Variants in DDC observed in about 807,000 individuals in gnomAD.
DDC encodes dopa decarboxylase, also known as aromatic-L-amino-acid decarboxylase.
A neutral mutation model predicts 60.0 loss-of-function variants in DDC; 43 were observed. That is an observed-to-expected ratio of 0.72 (90% confidence interval 0.56 to 0.92). The LOEUF is 0.92. Among genes scored for constraint, DDC ranks in the 40% least tolerant of loss-of-function variants. The probability of loss-of-function intolerance (pLI) is 0.00; values close to 1 mark genes in which losing one functional copy is unlikely to be tolerated. For missense variants in DDC, 573 were observed against 620.2 expected, an observed-to-expected ratio of 0.92 and a Z score of 0.81; for synonymous variants, 232 against 234.6, an observed-to-expected ratio of 0.99 and a Z score of 0.10.
rs151012744 is a variant in DDC at position 50,469,848 on chromosome 7, G to A, written c.1140+225C>T. Among the ~76,000 whole-genome samples, 184 of 152,162 alleles carry A rather than the reference G, an allele frequency of 1.2e-3. 3 individuals carry two copies. In the East Asian group the frequency reaches 0.019, roughly 15 times the overall value. On this transcript the variant is annotated intron_variant, in intron 12 of 14. Coordinates refer to ENST00000444124, the MANE Select transcript of DDC (RefSeq NM_001082971.2). Reference sequence around the variant, plus strand: ...ACAAAAATTAGCTGGGCATGATGGCGCATGCCTGTAATCCTAGCTACTCAG... The same window carrying A: ...ACAAAAATTAGCTGGGCATGATGGCACATGCCTGTAATCCTAGCTACTCAG...
At chr7:50,511,052 T>TATATAC (rs1554425850) in intron 6 of DDC, among the ~76,000 whole-genome samples, 66 of 139,134 alleles carry the variant, frequency 4.7e-4, no homozygotes, top group African/African-American at 1.5e-3. Flanking sequence ...GATATATCTA[T>TATATAC]ACACACACAC....
chr7:50,508,976 AT>A (rs1265335320), intron 6 of DDC, among the ~76,000 whole-genome samples: 4 of 152,152 alleles, frequency 2.6e-5, no homozygotes, highest in Non-Finnish European at 5.9e-5. Flanking sequence ...CTGCCTGGAT[AT>A]CCCCTGACAC....
chr7:50,529,560 T>G (rs1042128413), intron 4 of DDC, among the ~76,000 whole-genome samples: 1 of 152,182 alleles, frequency 6.6e-6, no homozygotes, highest in Non-Finnish European at 1.5e-5. Flanking sequence ...GTGGGTCTAT[T>G]TTGTGTAACA....
At chr7:50,497,469 C>T (rs1257022038) in intron 8 of DDC, among the ~76,000 whole-genome samples, 2 of 152,162 alleles carry the variant, frequency 1.3e-5, no homozygotes, top group Non-Finnish European at 2.9e-5. Flanking sequence ...TCAGGCCAGC[C>T]GTGGGGAGGG....
chr7:50,522,205 GAAAA>G (rs59489350), intron 6 of DDC, among the ~76,000 whole-genome samples: 6 of 148,234 alleles, frequency 4.0e-5, no homozygotes, highest in Non-Finnish European at 7.5e-5. Flanking sequence ...AAAGTAAAAA[GAAAA>G]AAAAAAGAAT....
In DDC at chr7:50,495,338, A is replaced by C. The variant is rs2043104579; in HGVS notation, c.944+12T>G. On this transcript the variant is annotated intron_variant, in intron 9 of 14. Transcript: ENST00000444124. ...GGACAGGCAACTGACATCTGTGAGC[A>C]GGGAAACTTACCACATGGCAGAACA... The C allele has an allele frequency of 6.2e-7, 1 of 1,606,894 alleles. No homozygotes were observed. Among genetic ancestry groups the C allele is most frequent in the East Asian group, 2.2e-5 (1 of 44,850 alleles).
At position 50,479,796 on chromosome 7, in the gene DDC, G is replaced by A; in HGVS notation, c.1012C>T (p.Gln338Ter). ...LDPTYLKHSH[Q>*]DSGLITDYRH... ...CAGGCTCACAGCTTACCTGAATCCT[G>A]ATGGCTGTGCTTCAGGTAAGTGGGG... is the stretch of plus-strand genomic sequence containing the variant. Residue 338 changes from glutamine to a stop codon, truncating the protein, a stop_gained, in exon 10 of 15, where the codon CAG becomes TAG. Coordinates refer to ENST00000444124, the MANE Select transcript of DDC (RefSeq NM_001082971.2). LOFTEE classifies it high-confidence loss of function. 1 of 1,613,482 alleles carries A rather than the reference G, an allele frequency of 6.2e-7. No homozygotes were observed. The highest frequency in any genetic ancestry group is 2.2e-5 in the East Asian group (1 of 44,884).
chr7:50,519,574 G>GA (rs772409527), intron 6 of DDC, among the ~76,000 whole-genome samples: 9 of 152,150 alleles, frequency 5.9e-5, no homozygotes, highest in Non-Finnish European at 1.3e-4. Context: ...AAAAAGTAAT[G>GA]AATTAACAGC....
intron 6 of DDC, among the ~76,000 whole-genome samples, chr7:50,504,923 T>C (rs1207737010): frequency 6.6e-6 from 1 of 152,232 alleles, no homozygotes; most frequent in African/African-American, 2.4e-5. Context: ...GCCTTTCTCT[T>C]TCTGAATGAT....
chr7:50,508,983 GAC>G (rs1481644574), intron 6 of DDC, among the ~76,000 whole-genome samples: 1 of 152,144 alleles, frequency 6.6e-6, no homozygotes, highest in African/African-American at 2.4e-5. Context: ...GATATCCCCT[GAC>G]ACAGCTCCTG....
At chr7:50,528,321 G>T in intron 5 of DDC, 41 bp from the exon 6 acceptor site, 2 of 1,613,030 alleles carry the variant, frequency 1.2e-6, no homozygotes, top group Non-Finnish European at 8.5e-7. Context: ...ACAGGTGTGT[G>T]CATGCAGTTA....
At chr7:50,491,403 C>T (rs907239520) in intron 9 of DDC, among the ~76,000 whole-genome samples, 3 of 152,124 alleles carry the variant, frequency 2.0e-5, no homozygotes, top group African/African-American at 7.2e-5. Context: ...AATGAGCTTT[C>T]CTAACCACGT....
intron 6 of DDC, chr7:50,527,877 T>A (rs2044080915): frequency 5.4e-6 from 2 of 373,794 alleles, no homozygotes; most frequent in South Asian, 2.6e-5. Context: ...AAAAAAAAAA[T>A]GGAGGTAAAA....
intron 1 of DDC, among the ~76,000 whole-genome samples, chr7:50,549,185 A>C (rs750866223): frequency 2.0e-5 from 3 of 152,236 alleles, no homozygotes; most frequent in Non-Finnish European, 4.4e-5. Context: ...CATTCCTGCT[A>C]ACTCGACATC....
intron 4 of DDC, among the ~76,000 whole-genome samples, chr7:50,530,778 A>G (rs2044180241): frequency 6.6e-6 from 1 of 152,232 alleles, no homozygotes; most frequent in Non-Finnish European, 1.5e-5. Flanking sequence ...GAAAGGGCAA[A>G]TAAAAGAAGG....
In DDC at chr7:50,537,947, A is replaced by T. The variant is rs1169483861; in HGVS notation, c.348T>A (p.Thr116=). The T allele has an allele frequency of 1.9e-6, 3 of 1,614,140 alleles. No homozygotes were observed. Among genetic ancestry groups the T allele is most frequent in the South Asian group, 1.1e-5 (1 of 91,074 alleles). The change falls in exon 4 of 15, where the codon ACT becomes ACA. Residue 116 remains threonine (T), a synonymous_variant. Transcript: ENST00000444124. ...TCTTCCCGAGCCAGTCCATCATCACAGTCTCCAGCTCTGTGCATGCTGGGC... is the reference window on the plus strand; with the variant it reads ...TCTTCCCGAGCCAGTCCATCATCACTGTCTCCAGCTCTGTGCATGCTGGGC... ...AASPACTELE[T]VMMDWLGKML...
rs772935212 is a variant in DDC at position 50,463,345 on chromosome 7, CTT to C, written c.1327_1328del (p.Lys443ValfsTer49). 6.2e-7 allele frequency: 1 copy of C among 1,614,230 alleles called. No individual in the cohort carries two copies. On this transcript the variant is annotated frameshift_variant, in exon 14 of 15. Transcript: ENST00000444124. LOFTEE classifies it high-confidence loss of function. ...IHLVPCHLRD[K>X]FVLRFAICSR... ...AACAGATGGCAAAGCGCAGGACAAA[CTT>C]GTCCCTGAGGTGACATGGAACCAAG...
chr7:50,535,030 G>T (rs1317708036), intron 4 of DDC, among the ~76,000 whole-genome samples: 1 of 152,204 alleles, frequency 6.6e-6, no homozygotes, highest in Non-Finnish European at 1.5e-5. Flanking sequence ...GAAGAAAATT[G>T]TGCTGGGACT....
chr7:50,511,084 C>CA (rs1554425867), intron 6 of DDC, among the ~76,000 whole-genome samples: 5 of 129,220 alleles, frequency 3.9e-5, no homozygotes, highest in Admixed American at 7.8e-5. Context: ...CACACACACA[C>CA]AAAATAATAT....
Sources: allele counts gnomAD v4.1 joint callset (sites outside exome capture counted in the v4.1 genomes callset), GRCh38; gene constraint gnomAD v4.1.1; transcripts MANE v1.5; gene names NCBI Gene and HGNC (gene_info 2026-07-23, HGNC 2026-07-21).